Variants in NTM observed in about 807,000 individuals in gnomAD.
NTM encodes the protein IgLON family member 2.
In NTM, 13 loss-of-function variants were observed where a neutral mutation model predicts 42.1. That is an observed-to-expected ratio of 0.31 (90% CI 0.20 to 0.49). The LOEUF (loss-of-function observed/expected upper bound fraction) is 0.49, where lower values mean the gene tolerates loss of function less well. Ranked by LOEUF, NTM falls within the 20% of genes least tolerant of loss-of-function variation. The pLI is 0.99. For synonymous variants in NTM, 187 were observed against 179.2 expected (o/e 1.04, Z -0.35); for missense variants, 373 against 452.8 (o/e 0.82, Z 1.60).
chr11:131,733,247 G>A, intron 1 of NTM, among the ~76,000 whole-genome samples: 1 of 152,034 alleles, frequency 6.6e-6, no homozygotes, highest in East Asian at 1.9e-4. Context: ...GTAGAATGTT[G>A]ATATCCTTTT....
chr11:132,332,780 C>G lies in NTM; in HGVS notation c.968-2266C>G, dbSNP rs544729531. 3 of 152,354 alleles carry G rather than the reference C, an allele frequency of 2.0e-5. No homozygotes were observed. The South Asian group carries it at 6.2e-4, about 32-fold the overall frequency. The allele number at this position is 152,354 out of a possible 1,614,324, so 9.4% of individuals were successfully genotyped here. On this transcript the variant is annotated intron_variant, in intron 8 of 8. Transcript: ENST00000683400. ...CCTTACATGGTAACTACGCCAGGCC[C>G]CTGCTGGGCTGAACACCTGGCTGTG...
At chr11:131,951,478 A>T (rs1313771582) in intron 2 of NTM, among the ~76,000 whole-genome samples, 1 of 152,116 alleles carries the variant, frequency 6.6e-6, no homozygotes, top group African/African-American at 2.4e-5. Context: ...TGCTCCTCTG[A>T]ATAAGGAGCT....
chr11:131,646,328 A>G (rs1214907282), intron 1 of NTM, among the ~76,000 whole-genome samples: 1 of 152,152 alleles, frequency 6.6e-6, no homozygotes, highest in Non-Finnish European at 1.5e-5. Context: ...CCTTTTCTCT[A>G]TTTCTATTTT....
chr11:131,930,619 A>G (rs992686504), intron 2 of NTM, among the ~76,000 whole-genome samples: 3 of 152,172 alleles, frequency 2.0e-5, no homozygotes, highest in African/African-American at 7.2e-5. Context: ...TACCTGTGAA[A>G]GTTTCTGCAC....
At chr11:131,967,941 G>A (rs2063041644) in intron 2 of NTM, among the ~76,000 whole-genome samples, 1 of 152,152 alleles carries the variant, frequency 6.6e-6, no homozygotes, top group Admixed American at 6.5e-5. Context: ...CAGATAGAAA[G>A]ATGGAAATGT....
chr11:132,284,607 C>T (rs1459919921), intron 4 of NTM, among the ~76,000 whole-genome samples: 7 of 152,010 alleles, frequency 4.6e-5, no homozygotes. Flanking sequence ...TACTGGGACC[C>T]TGCTTCCAAA....
intron 7 of NTM, among the ~76,000 whole-genome samples, chr11:132,316,545 G>A (rs190012911): frequency 8.1e-4 from 124 of 152,268 alleles, no homozygotes; most frequent in Admixed American, 1.4e-3. Flanking sequence ...CAAGATGAGT[G>A]GGGTACATGT....
At chr11:132,212,774 G>A (rs1037952997) in intron 4 of NTM, among the ~76,000 whole-genome samples, 1 of 152,176 alleles carries the variant, frequency 6.6e-6, no homozygotes, top group Non-Finnish European at 1.5e-5. Flanking sequence ...TTTGAGACAA[G>A]ATGTCATTTA....
chr11:132,309,124 A>G (rs1043049163), intron 5 of NTM, among the ~76,000 whole-genome samples: 24 of 152,222 alleles, frequency 1.6e-4, no homozygotes, highest in Non-Finnish European at 1.2e-4. Flanking sequence ...CAAATAGAGC[A>G]CTTTGGGAGA....
At chr11:131,794,734 T>G (rs2091352917) in intron 1 of NTM, 10 of 985,376 alleles carry the variant, frequency 1.0e-5, no homozygotes, top group Non-Finnish European at 1.2e-5. Flanking sequence ...AGAGATAGCT[T>G]GTGTAGGACT....
At chr11:131,452,360 C>T (rs1481941576) in intron 1 of NTM, among the ~76,000 whole-genome samples, 1 of 152,148 alleles carries the variant, frequency 6.6e-6, no homozygotes, top group Non-Finnish European at 1.5e-5. Flanking sequence ...GCAGGGAGTT[C>T]ACCTTTGAAG....
At chr11:131,750,660 A>C (rs1351038295) in intron 1 of NTM, among the ~76,000 whole-genome samples, 3 of 152,076 alleles carry the variant, frequency 2.0e-5, no homozygotes, top group Non-Finnish European at 4.4e-5. Flanking sequence ...ACAGCCCACC[A>C]CTTGGTCATT....
intron 1 of NTM, among the ~76,000 whole-genome samples, chr11:131,573,119 C>G (rs551908023): frequency 6.6e-6 from 1 of 152,278 alleles, no homozygotes; most frequent in East Asian, 1.9e-4. Context: ...CAGCCGAAGC[C>G]CAGGAGCATG....
intron 4 of NTM, among the ~76,000 whole-genome samples, chr11:132,228,756 G>A (rs1189835142): frequency 1.3e-5 from 2 of 152,130 alleles, no homozygotes; most frequent in East Asian, 1.9e-4. Flanking sequence ...ACGTTCCTCC[G>A]TGTGCTGACA....
chr11:131,808,679 G>A (rs1396579780), intron 1 of NTM, among the ~76,000 whole-genome samples: 2 of 152,190 alleles, frequency 1.3e-5, no homozygotes, highest in East Asian at 3.9e-4. Flanking sequence ...CACATGGGTT[G>A]TAGGGAGAGG....
At chr11:132,110,192 G>C (rs1267048644) in intron 2 of NTM, among the ~76,000 whole-genome samples, 1 of 152,184 alleles carries the variant, frequency 6.6e-6, no homozygotes, top group Admixed American at 6.5e-5. Context: ...CCTGTCTTTT[G>C]TGTGCTATAC....
At chr11:131,637,294 A>G (rs1189406210) in intron 1 of NTM, among the ~76,000 whole-genome samples, 1 of 151,960 alleles carries the variant, frequency 6.6e-6, no homozygotes, top group Non-Finnish European at 1.5e-5. Flanking sequence ...AGAGAAAGCA[A>G]CTAAATCACA....
intron 1 of NTM, among the ~76,000 whole-genome samples, chr11:131,671,071 T>A (rs1456477647): frequency 6.6e-6 from 1 of 152,180 alleles, no homozygotes; most frequent in Non-Finnish European, 1.5e-5. Flanking sequence ...CCCCATCATC[T>A]TTCTTCTGAC....
rs75530764 is a variant in NTM, at chr11:131,676,533, A to G, written c.83-235031A>G. Among the ~76,000 whole-genome samples, 547 of 152,322 alleles carry G rather than the reference A, an allele frequency of 3.6e-3. 3 individuals carry two copies. The highest frequency in any genetic ancestry group is 0.012 in the African/African-American group (501 of 41,564). ...CGTGACTGTGAACCTGCATATGCAC[A>G]TAGTGGAGGGAGCACATAAGAGACA... On this transcript the variant is annotated intron_variant, in intron 1 of 8. Transcript: ENST00000683400.
Sources: allele counts gnomAD v4.1 joint callset (sites outside exome capture counted in the v4.1 genomes callset), GRCh38; gene constraint gnomAD v4.1.1; transcripts MANE v1.5; gene names NCBI Gene and HGNC (gene_info 2026-07-23, HGNC 2026-07-21).